Variants in LRRC37A2 observed in about 807,000 individuals in gnomAD.
LRRC37A2 encodes the protein leucine rich repeat containing 37 member A2, also known as leucine-rich repeat-containing protein 37A2.
A neutral mutation model predicts 68.8 loss-of-function variants in LRRC37A2; 9 were observed. The ratio of observed to expected loss-of-function variants is 0.13; its 90% confidence interval spans 0.08 to 0.23. LRRC37A2 has a LOEUF of 0.23. Ranked by LOEUF, LRRC37A2 falls within the 10% of genes least tolerant of loss-of-function variation. The pLI, the probability that LRRC37A2 is intolerant of heterozygous loss-of-function variation, is 1.00. For missense variants in LRRC37A2, 168 were observed against 950.4 expected (o/e 0.18, Z 10.82); for synonymous variants, 63 against 367.6 (o/e 0.17, Z 9.48).
At chr17:46,926,860 T>C in the LRRC37A2 span, among the ~76,000 whole-genome samples, 25 of 152,366 alleles carry the variant, frequency 1.6e-4, no homozygotes, top group African/African-American at 5.8e-4. Context: ...CAAAAGTGCT[T>C]TGATGAACGT....
At chr17:46,580,239 AC>A in the LRRC37A2 span, among the ~76,000 whole-genome samples, 1 of 149,662 alleles carries the variant, frequency 6.7e-6, no homozygotes, top group Non-Finnish European at 1.5e-5. Context: ...TGGGGAAAAT[AC>A]TGGCCACCCG....
At chr17:46,867,381 G>A in the LRRC37A2 span, among the ~76,000 whole-genome samples, 1 of 152,232 alleles carries the variant, frequency 6.6e-6, no homozygotes, top group African/African-American at 2.4e-5. Context: ...TCTGGCTCCA[G>A]CCATCCCCTC....
chr17:46,920,961 A>G, the LRRC37A2 span, among the ~76,000 whole-genome samples: 2 of 152,204 alleles, frequency 1.3e-5, no homozygotes, highest in South Asian at 2.1e-4. Context: ...TACAAGTAAA[A>G]TAACTTTGAA....
At chr17:46,771,799 G>A in the LRRC37A2 span, among the ~76,000 whole-genome samples, 2 of 143,114 alleles carry the variant, frequency 1.4e-5, no homozygotes, top group African/African-American at 5.0e-5. Context: ...AATGGCCAGA[G>A]GGCGTGTGAA....
chr17:46,592,984 C>CA, the LRRC37A2 span, among the ~76,000 whole-genome samples: 1 of 130,230 alleles, frequency 7.7e-6, no homozygotes, highest in Admixed American at 7.6e-5. Flanking sequence ...TAAAATTTGT[C>CA]AGAGTTCTGC....
chr17:46,875,360 C>T, the LRRC37A2 span: 945 of 1,600,492 alleles, frequency 5.9e-4, 3 homozygotes, highest in South Asian at 2.2e-3. Context: ...CCCACGTGGG[C>T]ATCAAGGTGA....
chr17:46,980,546 G>A, the LRRC37A2 span, among the ~76,000 whole-genome samples: 10 of 151,698 alleles, frequency 6.6e-5, no homozygotes, highest in Non-Finnish European at 1.5e-4. Context: ...AAGTAGGCCG[G>A]GCGCGGTGGC....
chr17:46,607,768 G>GAC, the LRRC37A2 span, among the ~76,000 whole-genome samples: 4 of 72,502 alleles, frequency 5.5e-5, no homozygotes, highest in Non-Finnish European at 9.6e-5. Context: ...CTGTGTGGCG[G>GAC]AGAGACAGCA....
At chr17:46,707,552 A>G in the LRRC37A2 span, among the ~76,000 whole-genome samples, 4 of 152,024 alleles carry the variant, frequency 2.6e-5, no homozygotes, top group African/African-American at 4.8e-5. Flanking sequence ...TCCCTCCCCT[A>G]CAACACCTGG....
the LRRC37A2 span, chr17:46,931,810 T>C: frequency 1.8e-6 from 1 of 548,418 alleles, no homozygotes; most frequent in Non-Finnish European, 3.3e-6. Flanking sequence ...TTCTCTGTCA[T>C]GCATCCAGAA....
chr17:46,778,045 A>T, the LRRC37A2 span, among the ~76,000 whole-genome samples: 3 of 152,208 alleles, frequency 2.0e-5, no homozygotes, highest in African/African-American at 7.2e-5. Context: ...AATAGACACG[A>T]CAGGAGGAAT....
chr17:46,993,413 G>A, the LRRC37A2 span, among the ~76,000 whole-genome samples: 1 of 152,234 alleles, frequency 6.6e-6, no homozygotes. Flanking sequence ...ATTTAAGGCA[G>A]GCATGCATAG....
At chr17:46,676,644 TA>T in the LRRC37A2 span, among the ~76,000 whole-genome samples, 1 of 101,392 alleles carries the variant, frequency 9.9e-6, no homozygotes, top group Non-Finnish European at 1.9e-5. Context: ...TTAAAAAAAT[TA>T]TTCAGGTGCA....
the LRRC37A2 span, among the ~76,000 whole-genome samples, chr17:46,864,786 G>A: frequency 2.0e-5 from 3 of 152,130 alleles, no homozygotes; most frequent in Admixed American, 6.5e-5. Flanking sequence ...CCAGTGGGTC[G>A]CCTTGGACGA....
At chr17:46,916,829 C>G in the LRRC37A2 span, 1 of 152,212 alleles carries the variant, frequency 6.6e-6, no homozygotes, top group Non-Finnish European at 1.5e-5. Flanking sequence ...ATGGCACCGT[C>G]ATCTGGTGAA....
the LRRC37A2 span, among the ~76,000 whole-genome samples, chr17:46,972,511 T>G: frequency 6.6e-6 from 1 of 152,222 alleles, no homozygotes; most frequent in Non-Finnish European, 1.5e-5. Context: ...AATTCAGGTT[T>G]GTCAGCCTCC....
At chr17:46,847,948 T>A in the LRRC37A2 span, among the ~76,000 whole-genome samples, 1 of 147,250 alleles carries the variant, frequency 6.8e-6, no homozygotes, top group African/African-American at 2.5e-5. Context: ...TTCAGCCTCA[T>A]CATGTTTGTG....
chr17:46,685,548 G>A, the LRRC37A2 span, among the ~76,000 whole-genome samples: 7,192 of 151,632 alleles, frequency 0.047, 599 homozygotes, highest in African/African-American at 0.16. Context: ...GGGCTCAACA[G>A]CGTCAGCTCT....
the LRRC37A2 span, chr17:46,941,759 AT>A: frequency 3.5e-5 from 5 of 143,154 alleles, no homozygotes; most frequent in Non-Finnish European, 5.1e-5. Flanking sequence ...TTTTTTTTGT[AT>A]TTTTTAGTAG....
Sources: allele counts gnomAD v4.1 joint callset (sites outside exome capture counted in the v4.1 genomes callset), GRCh38; gene constraint gnomAD v4.1.1; transcripts MANE v1.5; gene names NCBI Gene and HGNC (gene_info 2026-07-23, HGNC 2026-07-21).